SCN8A: variants seen among roughly 807,000 people sequenced by gnomAD.
SCN8A encodes sodium channel protein type 8 subunit alpha.
A neutral mutation model predicts 184.1 loss-of-function variants in SCN8A; 30 were observed. That is an observed-to-expected ratio of 0.16 (90% CI 0.12 to 0.22). The LOEUF is 0.22. Ranked by LOEUF, SCN8A falls within the 10% of genes least tolerant of loss-of-function variation. The pLI is 1.00. For synonymous variants in SCN8A, 852 were observed against 907.0 expected (o/e 0.94, Z 1.09); for missense variants, 1,057 against 2,498.9 (o/e 0.42, Z 12.30).
intron 14 of SCN8A, among the ~76,000 whole-genome samples, chr12:51,755,854 G>A (rs1027426222): frequency 4.6e-5 from 7 of 152,056 alleles, no homozygotes; most frequent in East Asian, 1.9e-4. Context: ...AAGAAACCTC[G>A]TTGCCACTAT....
intron 1 of SCN8A, among the ~76,000 whole-genome samples, chr12:51,656,582 G>A (rs1163996661): frequency 1.3e-5 from 2 of 152,138 alleles, no homozygotes; most frequent in African/African-American, 4.8e-5. Flanking sequence ...CTACAAACTA[G>A]TAAGAAAAAT....
chr12:51,755,966 C>G (rs1428275475), intron 14 of SCN8A, among the ~76,000 whole-genome samples: 2 of 151,902 alleles, frequency 1.3e-5, no homozygotes, highest in African/African-American at 4.8e-5. Context: ...CCCTTCAGCA[C>G]CCGAGCCGTG....
chr12:51,742,529 G>T (rs918023289), intron 12 of SCN8A, among the ~76,000 whole-genome samples: 2 of 150,988 alleles, frequency 1.3e-5, no homozygotes, highest in Admixed American at 6.6e-5. Context: ...CTTTCTCCTA[G>T]CCTGTAAGGT....
intron 12 of SCN8A, among the ~76,000 whole-genome samples, chr12:51,734,096 T>G (rs1942285316): frequency 6.6e-6 from 1 of 152,236 alleles, no homozygotes; most frequent in African/African-American, 2.4e-5. Context: ...CTTTATTATT[T>G]CTTTTCTTCT....
At chr12:51,659,557 A>G (rs1228687370) in intron 1 of SCN8A, among the ~76,000 whole-genome samples, 1 of 152,212 alleles carries the variant, frequency 6.6e-6, no homozygotes, top group East Asian at 1.9e-4. Context: ...CGGTTGTAGA[A>G]TGCCTTGAGT....
Position 51,622,490 on chromosome 12 carries a change from T to C in SCN8A, c.-55+31131T>C, listed in dbSNP as rs1939984284. Among the ~76,000 whole-genome samples, 3 of 152,196 alleles carry C rather than the reference T, an allele frequency of 2.0e-5. No individual in the cohort carries two copies. In the South Asian group the frequency reaches 6.2e-4, roughly 32 times the overall value. ...TTAATAACCTTGGTAGGTTTGAGGATACTGATGAGGTATTTTGTAGAACAC... is the reference window on the plus strand; with the variant it reads ...TTAATAACCTTGGTAGGTTTGAGGACACTGATGAGGTATTTTGTAGAACAC... On this transcript the variant is annotated intron_variant, in intron 1 of 26. Transcript: ENST00000627620.
In SCN8A at chr12:51,652,560, C is replaced by T. The variant is rs554893600; in HGVS notation, c.-54-10204C>T. Among the ~76,000 whole-genome samples the T allele has an allele frequency of 1.1e-4, 17 of 152,302 alleles. 1 individual carries two copies. The South Asian group carries it at 3.5e-3, about 32-fold the overall frequency. On this transcript the variant is annotated intron_variant, in intron 1 of 26. Coordinates refer to ENST00000627620, the MANE Select transcript of SCN8A (RefSeq NM_001330260.2). ...CGTTCCTGATGTGGTACTTGATTAC[C>T]TGTTAGCTGATTTTCTGAAATCCAC...
intron 6 of SCN8A, among the ~76,000 whole-genome samples, chr12:51,695,127 G>T (rs1339219475): frequency 6.6e-6 from 1 of 152,132 alleles, no homozygotes; most frequent in Non-Finnish European, 1.5e-5. Flanking sequence ...TGGTGATCTG[G>T]ATGGGAATCT....
intron 1 of SCN8A, among the ~76,000 whole-genome samples, chr12:51,639,733 A>T (rs1280494727): frequency 6.6e-6 from 1 of 151,924 alleles, no homozygotes; most frequent in Non-Finnish European, 1.5e-5. Flanking sequence ...TTCTTCGGCA[A>T]CCACCACCCT....
chr12:51,772,578 A>G (rs1942942302), intron 19 of SCN8A, among the ~76,000 whole-genome samples: 1 of 151,900 alleles, frequency 6.6e-6, no homozygotes, highest in Admixed American at 6.5e-5. Context: ...TTAAGGGGAA[A>G]CCTGACATGG....
intron 3 of SCN8A, among the ~76,000 whole-genome samples, chr12:51,685,335 G>A (rs1412112913): frequency 6.6e-6 from 1 of 152,110 alleles, no homozygotes; most frequent in Non-Finnish European, 1.5e-5. Flanking sequence ...AACTCCACTG[G>A]TAGAATAAAG....
At chr12:51,800,338 C>T (rs372333786) in intron 26 of SCN8A, among the ~76,000 whole-genome samples, 99 of 152,330 alleles carry the variant, frequency 6.5e-4, no homozygotes, top group African/African-American at 2.4e-3. Context: ...AATCCACTGT[C>T]GTTCTCCAAG....
chr12:51,708,313 T>G (rs1020088348), intron 11 of SCN8A, among the ~76,000 whole-genome samples: 1 of 152,182 alleles, frequency 6.6e-6, no homozygotes, highest in African/African-American at 2.4e-5. Flanking sequence ...CCTCCAGTTT[T>G]TCCCAACTTT....
chr12:51,802,054 C>CA (rs57827990), intron 26 of SCN8A, among the ~76,000 whole-genome samples: 16,454 of 150,028 alleles, frequency 0.11, 1,146 homozygotes, highest in East Asian at 0.36. Context: ...GACTCTGTCT[C>CA]AAAAAAAAAG....
chr12:51,757,037 C>A (rs1331371402), intron 14 of SCN8A, among the ~76,000 whole-genome samples: 1 of 152,010 alleles, frequency 6.6e-6, no homozygotes, highest in African/African-American at 2.4e-5. Flanking sequence ...CTTCTATAGC[C>A]CCATATGGAT....
At chr12:51,697,637 A>G (rs1217632275) in intron 6 of SCN8A, among the ~76,000 whole-genome samples, 1 of 152,198 alleles carries the variant, frequency 6.6e-6, no homozygotes, top group African/African-American at 2.4e-5. Context: ...AATAGTGATA[A>G]CAAGTGTTGA....
intron 1 of SCN8A, among the ~76,000 whole-genome samples, chr12:51,645,061 C>A (rs1258356481): frequency 6.7e-6 from 1 of 149,230 alleles, no homozygotes; most frequent in Non-Finnish European, 1.5e-5. Flanking sequence ...CCAGCCGCCC[C>A]GTCCGGGAGG....
intron 12 of SCN8A, chr12:51,722,179 C>A: frequency 1.8e-6 from 1 of 564,200 alleles, no homozygotes; most frequent in Non-Finnish European, 3.1e-6. Flanking sequence ...CATCTTCCCT[C>A]CTTGTTTCTG....
At chr12:51,737,918 G>GA (rs1237776456) in intron 12 of SCN8A, among the ~76,000 whole-genome samples, 1 of 152,130 alleles carries the variant, frequency 6.6e-6, no homozygotes, top group Non-Finnish European at 1.5e-5. Flanking sequence ...ATTCCAAGGG[G>GA]AAAATGTTGG....
Sources: allele counts gnomAD v4.1 joint callset (sites outside exome capture counted in the v4.1 genomes callset), GRCh38; gene constraint gnomAD v4.1.1; transcripts MANE v1.5; gene names NCBI Gene and HGNC (gene_info 2026-07-23, HGNC 2026-07-21).